Variants in MALRD1 observed in about 807,000 individuals in gnomAD.
The protein encoded by MALRD1 is MAM and LDL receptor class A domain containing 1, also known as MAM and LDL-receptor class A domain-containing protein 1.
Under a neutral mutation model 242.1 loss-of-function variants are expected in MALRD1, and 247 were observed. The observed-to-expected ratio is 1.02, with a 90% confidence interval of 0.92 to 1.13. MALRD1 has a LOEUF of 1.13. Among genes scored for constraint, MALRD1 ranks in the 50% most tolerant of loss-of-function variants. The pLI is 0.00. For missense variants in MALRD1, 2,989 were observed against 2,533.1 expected, an observed-to-expected ratio of 1.18 and a Z score of -3.86; for synonymous variants, 995 against 866.6, an observed-to-expected ratio of 1.15 and a Z score of -2.60.
intron 20 of MALRD1, among the ~76,000 whole-genome samples, chr10:19,282,022 A>ATGCTAAGG (rs1319564740): frequency 2.0e-5 from 3 of 151,908 alleles, no homozygotes; most frequent in African/African-American, 7.2e-5. Context: ...TCTTAACAAA[A>ATGCTAAGG]TGCTAAGGGT....
intron 21 of MALRD1, among the ~76,000 whole-genome samples, chr10:19,309,044 A>C (rs1477028258): frequency 6.6e-6 from 1 of 151,592 alleles, no homozygotes; most frequent in Non-Finnish European, 1.5e-5. Flanking sequence ...AAACAAATGC[A>C]TTGGAAATTA....
chr10:19,691,104 G>A (rs1842799001), intron 36 of MALRD1, among the ~76,000 whole-genome samples: 1 of 151,928 alleles, frequency 6.6e-6, no homozygotes, highest in Non-Finnish European at 1.5e-5. Flanking sequence ...GGATTCACAA[G>A]GTCAAATGAG....
At chr10:19,199,777 G>C (rs1836437824) in intron 14 of MALRD1, among the ~76,000 whole-genome samples, 1 of 151,168 alleles carries the variant, frequency 6.6e-6, no homozygotes, top group Non-Finnish European at 1.5e-5. Context: ...CTCCATTCTG[G>C]GGTATAGAGC....
At chr10:19,694,600 T>C (rs929768307) in intron 38 of MALRD1, among the ~76,000 whole-genome samples, 4 of 152,194 alleles carry the variant, frequency 2.6e-5, no homozygotes, top group Admixed American at 1.3e-4. Context: ...TCTGGAGAAA[T>C]AGGAACAGTT....
At chr10:19,730,543 TA>T in intron 38 of MALRD1, 162 bp from the exon 39 acceptor site, 1 of 786,186 alleles carries the variant, frequency 1.3e-6, no homozygotes, top group Non-Finnish European at 2.1e-6. Context: ...CTGCAAAAAA[TA>T]AAAAATAAAA....
At chr10:19,566,690 T>A (rs1474000649) in intron 32 of MALRD1, among the ~76,000 whole-genome samples, 1 of 151,088 alleles carries the variant, frequency 6.6e-6, no homozygotes, top group Non-Finnish European at 1.5e-5. Flanking sequence ...ATTTTATATA[T>A]ATATATCTGT....
intron 28 of MALRD1, among the ~76,000 whole-genome samples, chr10:19,440,061 C>A (rs1422356451): frequency 6.6e-6 from 1 of 152,144 alleles, no homozygotes; most frequent in Admixed American, 6.6e-5. Flanking sequence ...TCCATCTTAC[C>A]ACTGTCTGAT....
intron 33 of MALRD1, among the ~76,000 whole-genome samples, chr10:19,573,251 C>G (rs146543570): frequency 1.3e-5 from 2 of 152,244 alleles, no homozygotes; most frequent in African/African-American, 4.8e-5. Context: ...GCCCTGGAAG[C>G]CATTAAGGCT....
intron 7 of MALRD1, among the ~76,000 whole-genome samples, chr10:19,127,172 G>A (rs190028788): frequency 3.7e-4 from 57 of 152,228 alleles, no homozygotes; most frequent in South Asian, 1.2e-3. Context: ...GGGCATTTGG[G>A]TTGATTCCAT....
intron 33 of MALRD1, among the ~76,000 whole-genome samples, chr10:19,586,462 C>T (rs1349729426): frequency 1.3e-5 from 2 of 152,126 alleles, no homozygotes; most frequent in Non-Finnish European, 1.5e-5. Context: ...CCCTCAGCTG[C>T]AGGTCTGTTG....
intron 33 of MALRD1, among the ~76,000 whole-genome samples, chr10:19,574,024 A>G (rs1243838282): frequency 6.6e-6 from 1 of 152,226 alleles, no homozygotes; most frequent in Non-Finnish European, 1.5e-5. Context: ...TCTTGACTTG[A>G]TAAATATAAG....
intron 18 of MALRD1, among the ~76,000 whole-genome samples, chr10:19,233,884 G>A (rs1022658351): frequency 6.6e-6 from 1 of 151,396 alleles, no homozygotes; most frequent in Non-Finnish European, 1.5e-5. Context: ...ATTTGTATAA[G>A]GTTTCCCTAT....
At chr10:19,443,893 G>T (rs1348808717) in intron 28 of MALRD1, among the ~76,000 whole-genome samples, 1 of 152,132 alleles carries the variant, frequency 6.6e-6, no homozygotes, top group Non-Finnish European at 1.5e-5. Flanking sequence ...TTTCTGTCTC[G>T]TGGATCTGTC....
chr10:19,548,412 T>G lies in MALRD1; in HGVS notation c.5478+17061T>G, dbSNP rs538381912. Among the ~76,000 whole-genome samples, 13 of 152,266 alleles carry G rather than the reference T, an allele frequency of 8.5e-5. 1 individual carries two copies. The South Asian group carries it at 1.9e-3, about 22-fold the overall frequency. ...CTAAAGTGGACATAATATTTTTGCCTATTAAATTAGTTATCTATTTTGAAT... is the reference window on the plus strand; with the variant it reads ...CTAAAGTGGACATAATATTTTTGCCGATTAAATTAGTTATCTATTTTGAAT... On this transcript the variant is annotated intron_variant, in intron 32 of 39. Transcript: ENST00000454679.
chr10:19,603,978 A>G (rs756480061), intron 34 of MALRD1, among the ~76,000 whole-genome samples: 11 of 152,184 alleles, frequency 7.2e-5, no homozygotes, highest in Non-Finnish European at 1.6e-4. Flanking sequence ...GCTGAACAAT[A>G]TTGCAGTTTG....
chr10:19,682,176 C>T (rs561817477), intron 36 of MALRD1, among the ~76,000 whole-genome samples: 4 of 152,280 alleles, frequency 2.6e-5, no homozygotes, highest in Non-Finnish European at 4.4e-5. Context: ...CTGCCAGTTC[C>T]TACCAAATTA....
intron 38 of MALRD1, among the ~76,000 whole-genome samples, chr10:19,699,065 G>T (rs569613214): frequency 2.2e-3 from 330 of 152,186 alleles, no homozygotes; most frequent in Non-Finnish European, 3.9e-3. Context: ...AGGGGAGGGA[G>T]AGCATTAGGA....
intron 33 of MALRD1, among the ~76,000 whole-genome samples, chr10:19,574,118 A>G (rs1836687598): frequency 6.6e-6 from 1 of 152,210 alleles, no homozygotes; most frequent in Non-Finnish European, 1.5e-5. Context: ...ATTCTGCTTC[A>G]CTGCTGAAAA....
chr10:19,088,062 A>C lies in MALRD1; in HGVS notation c.474A>C (p.Lys158Asn). 8.1e-7 allele frequency: 1 copy of C among 1,233,536 alleles called. No individual in the cohort carries two copies. Among genetic ancestry groups the C allele is most frequent in the South Asian group, 4.1e-5 (1 of 24,410 alleles). The allele number at this position is 1,233,536 out of a possible 1,614,324, so 76.4% of individuals were successfully genotyped here. The change falls in exon 4 of 40, where the codon AAA becomes AAC. Residue 158 changes from lysine (K) to asparagine (N), a missense_variant. By Grantham distance (94) the Lys-to-Asn change is moderately conservative (BLOSUM62 0). Coordinates refer to ENST00000454679, the MANE Select transcript of MALRD1 (RefSeq NM_001142308.3). ...ACTTCTCCTGCCAAGTGAGTGGCAA[A>C]TTAATGGTTGGGCTTCAAACTGCAT... ...FYYFSCQVSG[K>N]LMVGLQTACG...
Sources: gnomAD v4.1 joint callset for allele counts (sites outside exome capture counted in the v4.1 genomes callset) on GRCh38, gnomAD v4.1.1 for gene constraint, MANE v1.5 for transcripts, NCBI Gene and HGNC (gene_info 2026-07-23, HGNC 2026-07-21) for gene names.